The following DIP2B variants were observed in gnomAD, a reference collection of about 807,000 sequenced individuals.
DIP2B encodes DIP2 acetate--CoA ligase B (putative).
A neutral mutation model predicts 198.0 loss-of-function variants in DIP2B; 76 were observed. The ratio of observed to expected loss-of-function variants is 0.38; its 90% CI spans 0.32 to 0.46. The LOEUF is 0.46. Among genes scored for constraint, DIP2B ranks in the 20% least tolerant of loss-of-function variants. The pLI, the probability that DIP2B is intolerant of heterozygous loss-of-function variation, is 0.99. For synonymous variants in DIP2B, 701 were observed against 739.1 expected (o/e 0.95, Z 0.84); for missense variants, 1,559 against 1,978.4 (o/e 0.79, Z 4.02).
chr12:50,706,813 T>TC (rs919076803), intron 21 of DIP2B, 148 bp downstream of exon 21: 2 of 553,010 alleles, frequency 3.6e-6, no homozygotes, highest in African/African-American at 3.9e-5. Context: ...CTTTTTTTTT[T>TC]CTTCTTCTTC....
At chr12:50,570,030 T>G (rs941626524) in intron 1 of DIP2B, among the ~76,000 whole-genome samples, 1 of 152,240 alleles carries the variant, frequency 6.6e-6, no homozygotes, top group Non-Finnish European at 1.5e-5. Flanking sequence ...CTTCAGTGAA[T>G]GAAGTGCTCT....
chr12:50,642,378 A>G (rs1938271428), intron 3 of DIP2B, among the ~76,000 whole-genome samples: 1 of 152,238 alleles, frequency 6.6e-6, no homozygotes, highest in Non-Finnish European at 1.5e-5. Flanking sequence ...CAGTAACATC[A>G]TCAGATTTGT....
intron 1 of DIP2B, among the ~76,000 whole-genome samples, chr12:50,606,947 G>A (rs560129992): frequency 1.8e-4 from 28 of 152,118 alleles, no homozygotes; most frequent in African/African-American, 6.7e-4. Flanking sequence ...GCTAGGACAA[G>A]TGTGTGTCAT....
chr12:50,510,826 G>C (rs1242548035), intron 1 of DIP2B, among the ~76,000 whole-genome samples: 1 of 151,438 alleles, frequency 6.6e-6, no homozygotes, highest in Non-Finnish European at 1.5e-5. Context: ...TGTATTTTTA[G>C]TAGAAATGGG....
intron 1 of DIP2B, among the ~76,000 whole-genome samples, chr12:50,600,960 G>A (rs1355426923): frequency 1.4e-5 from 2 of 143,694 alleles, no homozygotes; most frequent in African/African-American, 5.2e-5. Flanking sequence ...ACCACCAGGT[G>A]TAGTTCACAT....
intron 1 of DIP2B, among the ~76,000 whole-genome samples, chr12:50,529,088 C>G (rs967179541): frequency 6.6e-6 from 1 of 152,082 alleles, no homozygotes; most frequent in Non-Finnish European, 1.5e-5. Flanking sequence ...CATGGCAGTA[C>G]TTTCTTATAG....
At chr12:50,671,460 AAATAGT>A (rs1565865817) in intron 5 of DIP2B, 62 bp downstream of exon 5, 4 of 1,552,078 alleles carry the variant, frequency 2.6e-6, no homozygotes, top group Middle Eastern at 1.7e-4. Context: ...AGTATCCAGG[AAATAGT>A]TTATGGTTTG....
chr12:50,661,071 G>A (rs977614738), intron 4 of DIP2B, among the ~76,000 whole-genome samples: 2 of 151,320 alleles, frequency 1.3e-5, no homozygotes, highest in Non-Finnish European at 2.9e-5. Context: ...CTCTCCCAAA[G>A]TTTTTTTAAA....
At chr12:50,737,598 C>T (rs781744374) in intron 35 of DIP2B, among the ~76,000 whole-genome samples, 46 of 151,508 alleles carry the variant, frequency 3.0e-4, no homozygotes, top group Non-Finnish European at 4.6e-4. Context: ...TTTTCTTCCC[C>T]CAAATCTTTG....
At chr12:50,519,301 G>C (rs2139349768) in intron 1 of DIP2B, among the ~76,000 whole-genome samples, 1 of 151,664 alleles carries the variant, frequency 6.6e-6, no homozygotes, top group South Asian at 2.1e-4. Context: ...GGGTCTCACT[G>C]TATTGCCCAG....
intron 1 of DIP2B, among the ~76,000 whole-genome samples, chr12:50,591,570 T>C (rs1958818862): frequency 6.6e-6 from 1 of 152,052 alleles, no homozygotes; most frequent in African/African-American, 2.4e-5. Flanking sequence ...CCTGAGTGTA[T>C]CCTACAAGCA....
chr12:50,582,828 C>T (rs751212071), intron 1 of DIP2B, among the ~76,000 whole-genome samples: 1 of 152,138 alleles, frequency 6.6e-6, no homozygotes, highest in South Asian at 2.1e-4. Flanking sequence ...CGTGTTTCCC[C>T]TGATGGTATG....
At chr12:50,739,723 C>CCAAATGAAGAGAGAG in intron 36 of DIP2B, 137 bp downstream of exon 36, 1 of 1,104,362 alleles carries the variant, frequency 9.1e-7, no homozygotes, top group Non-Finnish European at 1.3e-6. Flanking sequence ...ATAAGTGACT[C>CCAAATGAAGAGAGAG]TCTCTTCATT....
chr12:50,523,214 T>A (rs1045894884), intron 1 of DIP2B, among the ~76,000 whole-genome samples: 1 of 152,198 alleles, frequency 6.6e-6, no homozygotes, highest in African/African-American at 2.4e-5. Flanking sequence ...GGCATGGTAT[T>A]TGCATGTAAC....
rs71083599 is a variant in DIP2B at position 50,571,170 on chromosome 12, C to CTT, written c.101-54789_101-54788dup. On this transcript the variant is annotated intron_variant, in intron 1 of 37. Coordinates refer to ENST00000301180, the MANE Select transcript of DIP2B (RefSeq NM_173602.3). ...GAGAATATGTTATTATTGGCAGCCT[C>CTT]TTTTTTTTTTTTTTTTTTGGAGATG... is the stretch of plus-strand genomic sequence containing the variant. 8.9e-3 allele frequency among the ~76,000 whole-genome samples: 1,133 copies of CTT among 126,822 alleles called. 33 individuals are homozygous for CTT. The highest frequency in any genetic ancestry group is 0.03 in the African/African-American group (995 of 33,502). 83.2% of individuals were successfully genotyped at this position (126,822 alleles called of 152,430 possible). A position where few individuals can be genotyped will look rare whatever the true frequency, so the allele number is the denominator to read the frequency against.
intron 2 of DIP2B, among the ~76,000 whole-genome samples, chr12:50,631,864 A>T (rs747601030): frequency 6.6e-6 from 1 of 152,182 alleles, no homozygotes; most frequent in Non-Finnish European, 1.5e-5. Context: ...GTCCTTCCCA[A>T]AAAGGGGTGG....
At chr12:50,605,831 G>T (rs988474529) in intron 1 of DIP2B, among the ~76,000 whole-genome samples, 2 of 150,742 alleles carry the variant, frequency 1.3e-5, no homozygotes, top group Admixed American at 6.6e-5. Flanking sequence ...CTTTTCTTTC[G>T]TTTTTTTTAG....
intron 1 of DIP2B, among the ~76,000 whole-genome samples, chr12:50,510,371 G>A (rs1220840559): frequency 1.3e-5 from 2 of 152,184 alleles, no homozygotes; most frequent in African/African-American, 2.4e-5. Flanking sequence ...ATGGCATTGA[G>A]CTGGATTTTT....
intron 22 of DIP2B, among the ~76,000 whole-genome samples, chr12:50,712,226 G>C (rs553941499): frequency 6.6e-6 from 1 of 152,162 alleles, no homozygotes; most frequent in East Asian, 1.9e-4. Flanking sequence ...ATAACTGTGG[G>C]TTCATTCTAC....
Sources: gnomAD v4.1 joint callset for allele counts (sites outside exome capture counted in the v4.1 genomes callset) on GRCh38, gnomAD v4.1.1 for gene constraint, MANE v1.5 for transcripts, NCBI Gene and HGNC (gene_info 2026-07-23, HGNC 2026-07-21) for gene names.